Variants in OVCH2 observed in about 807,000 individuals in gnomAD.
The protein encoded by OVCH2 is ovochymase-2.
Under a neutral mutation model 73.7 loss-of-function variants are expected in OVCH2, and 88 were observed. That is an observed-to-expected ratio of 1.19 (90% confidence interval 1.01 to 1.43). OVCH2 has a LOEUF of 1.43. OVCH2 is among the 40% of genes most tolerant of loss of function. The pLI, the probability that OVCH2 is intolerant of heterozygous loss-of-function variation, is 0.00. For missense variants in OVCH2, 706 were observed against 674.5 expected, an observed-to-expected ratio of 1.05 and a Z score of -0.52; for synonymous variants, 265 against 234.5, an observed-to-expected ratio of 1.13 and a Z score of -1.19.
At chr11:7,694,407 T>G (rs1426314093) in intron 12 of OVCH2, among the ~76,000 whole-genome samples, 1 of 152,168 alleles carries the variant, frequency 6.6e-6, no homozygotes, top group Non-Finnish European at 1.5e-5. Context: ...TAAGACCCTC[T>G]TAAACCAGCG....
intron 10 of OVCH2, 129 bp from the exon 11 acceptor site, chr11:7,695,839 C>A: frequency 8.0e-7 from 1 of 1,256,486 alleles, no homozygotes; most frequent in East Asian, 2.5e-5. Flanking sequence ...AGTCTTGTCA[C>A]AATTGACATT....
chr11:7,682,656 A>G, the OVCH2 span, among the ~76,000 whole-genome samples: 1 of 152,248 alleles, frequency 6.6e-6, no homozygotes, highest in East Asian at 1.9e-4. Context: ...TCCAATGCTC[A>G]AGAACATTGC....
At chr11:7,691,469 GA>G (rs1307254523) in intron 13 of OVCH2, 69 bp from the exon 14 acceptor site, 1 of 1,512,318 alleles carries the variant, frequency 6.6e-7, no homozygotes, top group Non-Finnish European at 8.9e-7. Context: ...TTGGAGAGAA[GA>G]AAAAAAGAAA....
Position 7,695,586 on chromosome 11 carries a change from T to C in OVCH2, c.1266A>G (p.Lys422=). Residue 422 remains lysine, a synonymous_variant, in exon 11 of 16, where the codon AAA becomes AAG. Transcript: ENST00000533663. ...TGGTTTTACCAGGAATGTAGTTTGG[T>C]TTAAGAGCTTTATAGGTAAGATTAA... ...AGFNLTYKAL[K]PNYIPDSGCS... is the part of the protein sequence containing the mutation. 1.9e-6 allele frequency: 3 copies of C among 1,613,610 alleles called. No individual in the cohort carries two copies. The highest frequency in any genetic ancestry group is 2.5e-6 in the Non-Finnish European group (3 of 1,179,658).
intron 12 of OVCH2, among the ~76,000 whole-genome samples, chr11:7,693,486 C>T (rs1037288196): frequency 6.6e-6 from 1 of 152,166 alleles, no homozygotes; most frequent in African/African-American, 2.4e-5. Flanking sequence ...GAGAGCATCG[C>T]TTCACTGATG....
At position 7,706,288 on chromosome 11, in the gene OVCH2, G is replaced by A. The variant is rs749293838; in HGVS notation, c.88+19C>T. 2 of 1,565,184 alleles carry A rather than the reference G, an allele frequency of 1.3e-6. No homozygotes were observed. The highest frequency in any genetic ancestry group is 1.3e-5 in the African/African-American group (1 of 74,328). On this transcript the variant is annotated intron_variant, in intron 1 of 15. Coordinates refer to ENST00000533663, the MANE Select transcript of OVCH2 (RefSeq NM_198185.7). Reference sequence around the variant, plus strand: ...AAAGGTTCAGACAAAGGTAATTATAGAGTTCATTTGAAACTTACCTTTGGG... The same window carrying A: ...AAAGGTTCAGACAAAGGTAATTATAAAGTTCATTTGAAACTTACCTTTGGG...
intron 11 of OVCH2, 49 bp from the exon 12 acceptor site, chr11:7,695,237 A>C (rs1565167662): frequency 1.3e-6 from 2 of 1,511,484 alleles, no homozygotes; most frequent in East Asian, 2.4e-5. Context: ...CAAATAAAGA[A>C]GAATTCTCAC....
At chr11:7,678,890 G>A in the OVCH2 span, among the ~76,000 whole-genome samples, 1 of 152,178 alleles carries the variant, frequency 6.6e-6, no homozygotes, top group Non-Finnish European at 1.5e-5. Flanking sequence ...TCAGCATCGT[G>A]CAGTAATATG....
chr11:7,685,384 C>A (rs1172555454), downstream of OVCH2, among the ~76,000 whole-genome samples: 1 of 152,204 alleles, frequency 6.6e-6, no homozygotes, highest in African/African-American at 2.4e-5. Flanking sequence ...ATAAGTGGAA[C>A]TTGGGTGTTA....
At chr11:7,682,312 G>A in the OVCH2 span, among the ~76,000 whole-genome samples, 1 of 152,210 alleles carries the variant, frequency 6.6e-6, no homozygotes, top group Non-Finnish European at 1.5e-5. Context: ...CTACACCACA[G>A]CAACCTGTGG....
the OVCH2 span, among the ~76,000 whole-genome samples, chr11:7,680,757 T>C: frequency 6.6e-6 from 1 of 152,366 alleles, no homozygotes; most frequent in Middle Eastern, 3.4e-3. Context: ...AGAATAGATG[T>C]GTGTTGTTTT....
chr11:7,700,936 G>A (rs929777840), intron 6 of OVCH2, among the ~76,000 whole-genome samples: 5 of 152,184 alleles, frequency 3.3e-5, no homozygotes, highest in Non-Finnish European at 7.4e-5. Context: ...TCTGTTATTT[G>A]GTCTTTTGGA....
chr11:7,694,803 C>CTTTTTTTT (rs34314441), intron 12 of OVCH2, among the ~76,000 whole-genome samples: 7 of 108,390 alleles, frequency 6.5e-5, no homozygotes, highest in African/African-American at 2.2e-4. Flanking sequence ...TAAAGCGGCA[C>CTTTTTTTT]TTTTTTTTTT....
intron 4 of OVCH2, 131 bp downstream of exon 4, chr11:7,702,026 G>A (rs950522629): frequency 5.5e-6 from 5 of 905,012 alleles, no homozygotes; most frequent in Non-Finnish European, 8.5e-6. Context: ...AGAGTTTCAG[G>A]TAGGACTCTC....
the OVCH2 span, among the ~76,000 whole-genome samples, chr11:7,684,387 C>G: frequency 6.6e-6 from 1 of 151,982 alleles, no homozygotes; most frequent in South Asian, 2.1e-4. Flanking sequence ...AGTTGAGTTT[C>G]TGGGCCAACA....
the OVCH2 span, among the ~76,000 whole-genome samples, chr11:7,680,659 C>T: frequency 1.3e-5 from 2 of 152,172 alleles, no homozygotes; most frequent in Admixed American, 6.5e-5. Context: ...ATTTTCCCCT[C>T]AGAGCCTCCA....
chr11:7,702,390 G>A, intron 3 of OVCH2, 61 bp from the exon 4 acceptor site: 7 of 1,284,704 alleles, frequency 5.4e-6, no homozygotes, highest in Non-Finnish European at 7.4e-6. Flanking sequence ...CAGTTGCAAT[G>A]GTTGACACAC....
chr11:7,693,163 C>T (rs1286937086), intron 12 of OVCH2, among the ~76,000 whole-genome samples: 1 of 152,142 alleles, frequency 6.6e-6, no homozygotes, highest in African/African-American at 2.4e-5. Flanking sequence ...AATAGGAACT[C>T]TAATTTTAAC....
At chr11:7,701,872 C>G in intron 4 of OVCH2, 61 bp from the exon 5 acceptor site, 1 of 1,411,458 alleles carries the variant, frequency 7.1e-7, no homozygotes, top group Non-Finnish European at 9.8e-7. Context: ...CTATAAGCCA[C>G]TCACCACTTG....
Sources: gnomAD v4.1 joint callset for allele counts (sites outside exome capture counted in the v4.1 genomes callset) on GRCh38, gnomAD v4.1.1 for gene constraint, MANE v1.5 for transcripts, NCBI Gene and HGNC (gene_info 2026-07-23, HGNC 2026-07-21) for gene names.